Variants in ASTN2 observed in about 807,000 individuals in gnomAD.
ASTN2 encodes the protein astrotactin 2, also known as astrotactin-2.
In ASTN2, 54 loss-of-function variants were observed where a neutral mutation model predicts 139.8. The observed-to-expected ratio is 0.39, with a 90% CI of 0.31 to 0.48. ASTN2 has a LOEUF of 0.48. ASTN2 is among the 20% of genes least tolerant of loss of function. The pLI, the probability that ASTN2 is intolerant of heterozygous loss-of-function variation, is 0.95. For synonymous variants in ASTN2, 756 were observed against 719.5 expected (o/e 1.05, Z -0.81); for missense variants, 1,565 against 1,725.1 (o/e 0.91, Z 1.64).
At chr9:117,381,624 G>C (rs1406796311) in intron 1 of ASTN2, among the ~76,000 whole-genome samples, 1 of 152,044 alleles carries the variant, frequency 6.6e-6, no homozygotes, top group Non-Finnish European at 1.5e-5. Flanking sequence ...AGCTCCCTGA[G>C]ACCTCCCCAG....
intron 1 of ASTN2, among the ~76,000 whole-genome samples, chr9:117,338,596 T>A (rs1227191284): frequency 6.6e-6 from 1 of 152,056 alleles, no homozygotes; most frequent in Non-Finnish European, 1.5e-5. Context: ...AAGAAAACGA[T>A]CAATCATATA....
At chr9:117,182,080 C>T (rs1831083780) in intron 3 of ASTN2, among the ~76,000 whole-genome samples, 1 of 152,144 alleles carries the variant, frequency 6.6e-6, no homozygotes, top group African/African-American at 2.4e-5. Context: ...GCTGTTCCCC[C>T]CGATTAATGG....
chr9:117,092,376 A>G (rs1326105611), intron 5 of ASTN2, among the ~76,000 whole-genome samples: 1 of 152,110 alleles, frequency 6.6e-6, no homozygotes, highest in Non-Finnish European at 1.5e-5. Context: ...CTACTTAGAG[A>G]TTGAAAAAGT....
Position 116,620,442 on chromosome 9 carries a change from G to T in ASTN2, c.3074C>A (p.Ala1025Asp), listed in dbSNP as rs774042170. The change falls in exon 18 of 23, where the codon GCC becomes GAC. Residue 1025 changes from alanine (A) to aspartate (D), a missense_variant and splice_region_variant. Physicochemically the swap from Ala to Asp is moderately radical, Grantham distance 126 (BLOSUM62 -2). This residue lies in a region of ASTN2 where 418 missense variants were observed against 465.8 expected (regional missense o/e 0.90). Coordinates refer to ENST00000313400, the MANE Select transcript of ASTN2 (RefSeq NM_001365068.1). Reference protein sequence around the residue: ...TLIQDNGTKEAFKSALMSSYW... With the variant: ...TLIQDNGTKEDFKSALMSSYW... The stretch of plus-strand genomic sequence containing the variant: ...GGAACTCATCAGTGCACTCTTGAAG[G>T]CCTGGACAAAAAAAGAGGACAGAAT... 2 of 1,613,886 alleles carry T rather than the reference G, an allele frequency of 1.2e-6. No homozygotes were observed. The highest frequency in any genetic ancestry group is 1.7e-6 in the Non-Finnish European group (2 of 1,179,950).
intron 3 of ASTN2, among the ~76,000 whole-genome samples, chr9:117,152,302 T>A (rs1357291191): frequency 1.3e-5 from 2 of 152,174 alleles, no homozygotes. Flanking sequence ...AGTTCTCCAT[T>A]TCCCTTTGGG....
intron 2 of ASTN2, among the ~76,000 whole-genome samples, chr9:117,232,536 G>T (rs117537495): frequency 0.045 from 6,785 of 152,272 alleles, 180 homozygotes; most frequent in Non-Finnish European, 0.068. Context: ...CTTACCCTGG[G>T]TGGGAAAATA....
At chr9:116,458,426 C>A (rs1436181575) in intron 20 of ASTN2, among the ~76,000 whole-genome samples, 3 of 151,404 alleles carry the variant, frequency 2.0e-5, no homozygotes, top group South Asian at 4.2e-4. Flanking sequence ...CCTCATTTAC[C>A]CTGATGTGAT....
chr9:116,912,061 G>A (rs1834327448), intron 10 of ASTN2, among the ~76,000 whole-genome samples: 2 of 152,194 alleles, frequency 1.3e-5, no homozygotes, highest in South Asian at 4.1e-4. Flanking sequence ...TCTCTGTGAT[G>A]GGTCAGGGCA....
rs1564169250 is a variant in ASTN2, at chr9:116,632,236, A to AGAAG, written c.3073-11794_3073-11793insCTTC. On this transcript the variant is annotated intron_variant, in intron 17 of 22. Coordinates refer to ENST00000313400, the MANE Select transcript of ASTN2 (RefSeq NM_001365068.1). ...AAGAAAGAAAGAAAGAAAGAAAGAA[A>AGAAG]GAAAGAAAGAAAGAAGGAAAGAAAG... Among the ~76,000 whole-genome samples the AGAAG allele has an allele frequency of 2.8e-3, 368 of 129,700 alleles. 2 individuals carry two copies. Among genetic ancestry groups the AGAAG allele is most frequent in the African/African-American group, 9.1e-3 (261 of 28,818 alleles). 85.1% of individuals were successfully genotyped at this position (129,700 alleles called of 152,430 possible). A position where few individuals can be genotyped will look rare whatever the true frequency, so the allele number is the denominator to read the frequency against.
intron 1 of ASTN2, among the ~76,000 whole-genome samples, chr9:117,356,908 C>T (rs1212667147): frequency 7.2e-5 from 11 of 151,836 alleles, no homozygotes; most frequent in African/African-American, 1.2e-4. Context: ...ACTAAAAATA[C>T]AAAAATTAGC....
rs112688802 is a variant in ASTN2, at chr9:116,994,256, G to C, written c.1591+13836C>G. Among the ~76,000 whole-genome samples the C allele has an allele frequency of 6.3e-3, 962 of 152,250 alleles. 8 individuals carry two copies. Among genetic ancestry groups the C allele is most frequent in the African/African-American group, 0.022 (927 of 41,534 alleles). Reference sequence around the variant, plus strand: ...AAAAGCTGTCATGGGCAATATGTAAGCTAATGAGCATGGCTGTGTTTAAAT... The same window carrying C: ...AAAAGCTGTCATGGGCAATATGTAACCTAATGAGCATGGCTGTGTTTAAAT... On this transcript the variant is annotated intron_variant, in intron 7 of 22. Coordinates refer to ENST00000313400, the MANE Select transcript of ASTN2 (RefSeq NM_001365068.1).
At chr9:117,291,856 A>C (rs1834603123) in intron 1 of ASTN2, among the ~76,000 whole-genome samples, 1 of 152,190 alleles carries the variant, frequency 6.6e-6, no homozygotes, top group Admixed American at 6.5e-5. Context: ...TGGCTATGGA[A>C]CTAGAAGAAG....
At chr9:117,323,921 A>G (rs888578184) in intron 1 of ASTN2, among the ~76,000 whole-genome samples, 4 of 152,206 alleles carry the variant, frequency 2.6e-5, no homozygotes, top group Non-Finnish European at 5.9e-5. Context: ...ACCAACAAAT[A>G]TTTACTGAGT....
chr9:116,922,232 A>ATACTT (rs1480925882), intron 10 of ASTN2, among the ~76,000 whole-genome samples: 1 of 152,232 alleles, frequency 6.6e-6, no homozygotes, highest in Admixed American at 6.5e-5. Flanking sequence ...CTATGCCTGA[A>ATACTT]TACTTTATAC....
intron 19 of ASTN2, chr9:116,546,718 CAT>C (rs982429602): frequency 9.2e-5 from 14 of 152,180 alleles, no homozygotes; most frequent in Admixed American, 3.3e-4. Context: ...CATCTAGGGT[CAT>C]GAGTCCTATA....
rs564925439 is a variant in ASTN2, at chr9:117,353,193, TA to T, written c.442+61303del. On this transcript the variant is annotated intron_variant, in intron 1 of 22. Transcript: ENST00000313400. ...GTATGTTACATATATTTTACCACAG[TA>T]AAAAAAAAATCACAGCACTAATAAA... is the stretch of plus-strand genomic sequence containing the variant. 3.0e-3 allele frequency among the ~76,000 whole-genome samples: 445 copies of T among 149,832 alleles called. 2 individuals are homozygous for T. The highest frequency in any genetic ancestry group is 0.01 in the African/African-American group (417 of 40,972).
At chr9:117,133,084 G>A (rs1829863331) in intron 4 of ASTN2, among the ~76,000 whole-genome samples, 1 of 152,138 alleles carries the variant, frequency 6.6e-6, no homozygotes, top group South Asian at 2.1e-4. Flanking sequence ...AGAAGTTTCT[G>A]ACTCCAAATT....
At chr9:116,638,795 AAAAC>A (rs142593984) in intron 17 of ASTN2, among the ~76,000 whole-genome samples, 78,685 of 151,556 alleles carry the variant, frequency 0.52, 21,612 homozygotes, top group East Asian at 0.86. Flanking sequence ...CTGATTTGAA[AAAAC>A]AAACAAGTAC....
At chr9:116,487,815 T>G (rs1030974465) in intron 19 of ASTN2, among the ~76,000 whole-genome samples, 1 of 152,184 alleles carries the variant, frequency 6.6e-6, no homozygotes, top group Non-Finnish European at 1.5e-5. Flanking sequence ...TTATGCTTTT[T>G]TTTTTCTGTA....
Sources: gnomAD v4.1 joint callset for allele counts (sites outside exome capture counted in the v4.1 genomes callset) on GRCh38, gnomAD v4.1.1 for gene constraint, gnomAD v4.1.1 regional missense constraint, MANE v1.5 for transcripts, NCBI Gene and HGNC (gene_info 2026-07-23, HGNC 2026-07-21) for gene names.